CAMTA1: variants seen among roughly 807,000 people sequenced by gnomAD.
CAMTA1 encodes calmodulin-binding transcription activator 1.
Under a neutral mutation model 170.9 loss-of-function variants are expected in CAMTA1, and 27 were observed. The observed-to-expected ratio is 0.16, with a 90% CI of 0.12 to 0.22. The LOEUF (loss-of-function observed/expected upper bound fraction) is 0.22, where lower values mean the gene tolerates loss of function less well. Among genes scored for constraint, CAMTA1 ranks in the 10% least tolerant of loss-of-function variants. The pLI is 1.00. For missense variants in CAMTA1, 1,619 were observed against 2,217.2 expected (o/e 0.73, Z 5.42); for synonymous variants, 833 against 891.5 (o/e 0.93, Z 1.17).
At chr1:6,983,374 G>A (rs545103364) in intron 3 of CAMTA1, among the ~76,000 whole-genome samples, 1 of 152,232 alleles carries the variant, frequency 6.6e-6, no homozygotes, top group East Asian at 1.9e-4. Context: ...CGCTCCAACA[G>A]TCAGGGCTGT....
At chr1:7,436,841 G>T (rs2149386447) in intron 5 of CAMTA1, among the ~76,000 whole-genome samples, 1 of 152,298 alleles carries the variant, frequency 6.6e-6, no homozygotes, top group South Asian at 2.1e-4. Flanking sequence ...GTGGCTGGGA[G>T]CTGAGGGCCC....
At chr1:7,019,977 T>A (rs1701119716) in intron 3 of CAMTA1, among the ~76,000 whole-genome samples, 1 of 152,188 alleles carries the variant, frequency 6.6e-6, no homozygotes, top group Admixed American at 6.5e-5. Flanking sequence ...ACCCTCAGAG[T>A]GGCAAGCATT....
At position 7,102,185 on chromosome 1, in the gene CAMTA1, A is replaced by T. The variant is rs544123727; in HGVS notation, c.302+10814A>T. Among the ~76,000 whole-genome samples, 4 of 152,306 alleles carry T rather than the reference A, an allele frequency of 2.6e-5. No individual in the cohort carries two copies. The South Asian group carries it at 8.3e-4, about 32-fold the overall frequency. On this transcript the variant is annotated intron_variant, in intron 4 of 22. Transcript: ENST00000303635. ...TAGAGGAAATTTTCTCCTCGAAGAAAAAATTAATTATTCTATACTGGCTAC... is the reference window on the plus strand; with the variant it reads ...TAGAGGAAATTTTCTCCTCGAAGAATAAATTAATTATTCTATACTGGCTAC...
intron 11 of CAMTA1, among the ~76,000 whole-genome samples, chr1:7,679,417 CT>C (rs915143268): frequency 5.5e-4 from 84 of 152,312 alleles, no homozygotes; most frequent in African/African-American, 2.0e-3. Context: ...AGAGAGCCAG[CT>C]GTACCCCAGA....
intron 4 of CAMTA1, among the ~76,000 whole-genome samples, chr1:7,204,490 AT>A (rs1657308735): frequency 6.6e-6 from 1 of 152,028 alleles, no homozygotes; most frequent in Non-Finnish European, 1.5e-5. Context: ...TCTGCTACTG[AT>A]TTCTAATTTC....
At chr1:7,138,469 A>T (rs1645672837) in intron 4 of CAMTA1, among the ~76,000 whole-genome samples, 1 of 152,250 alleles carries the variant, frequency 6.6e-6, no homozygotes, top group African/African-American at 2.4e-5. Flanking sequence ...GATAATTAGA[A>T]AACAGTCGAT....
At chr1:6,993,603 A>G (rs1162492107) in intron 3 of CAMTA1, among the ~76,000 whole-genome samples, 4 of 152,124 alleles carry the variant, frequency 2.6e-5, no homozygotes, top group East Asian at 1.9e-4. Flanking sequence ...TAATTGCCTC[A>G]TTTTTCACTA....
At chr1:7,085,031 C>T (rs1286053564) in intron 3 of CAMTA1, among the ~76,000 whole-genome samples, 5 of 152,172 alleles carry the variant, frequency 3.3e-5, no homozygotes, top group African/African-American at 7.2e-5. Flanking sequence ...ATGTGCAGAA[C>T]GTGCAGGTTT....
chr1:6,893,797 A>G (rs1675076522), intron 3 of CAMTA1, among the ~76,000 whole-genome samples: 2 of 152,100 alleles, frequency 1.3e-5, no homozygotes, highest in African/African-American at 4.8e-5. Context: ...GTTTGTGCTA[A>G]TTTGTATCTT....
chr1:7,169,447 C>G (rs1649156420), intron 4 of CAMTA1, among the ~76,000 whole-genome samples: 1 of 152,072 alleles, frequency 6.6e-6, no homozygotes, highest in Non-Finnish European at 1.5e-5. Context: ...CAAGAATATT[C>G]AGGTTTTTAT....
chr1:7,189,607 G>C (rs1053027317), intron 4 of CAMTA1, among the ~76,000 whole-genome samples: 1 of 152,178 alleles, frequency 6.6e-6, no homozygotes, highest in Non-Finnish European at 1.5e-5. Flanking sequence ...TGCAAGAATG[G>C]TCATAATCAA....
At chr1:7,374,457 G>T (rs1373969212) in intron 5 of CAMTA1, among the ~76,000 whole-genome samples, 1 of 152,256 alleles carries the variant, frequency 6.6e-6, no homozygotes, top group African/African-American at 2.4e-5. Flanking sequence ...AGCAGAGGAC[G>T]CAGGCATGGG....
chr1:7,102,587 A>G (rs1178618862), intron 4 of CAMTA1, among the ~76,000 whole-genome samples: 2 of 152,162 alleles, frequency 1.3e-5, no homozygotes. Flanking sequence ...GAACAAATGT[A>G]TGCGCAAGGA....
chr1:7,247,967 G>A (rs983216596), intron 4 of CAMTA1, among the ~76,000 whole-genome samples: 1 of 152,192 alleles, frequency 6.6e-6, no homozygotes, highest in Admixed American at 6.5e-5. Context: ...CAGACTTAGG[G>A]AGGAAACCAA....
intron 5 of CAMTA1, among the ~76,000 whole-genome samples, chr1:7,365,285 A>T (rs1180203724): frequency 6.6e-6 from 1 of 152,214 alleles, no homozygotes; most frequent in Non-Finnish European, 1.5e-5. Context: ...GGCATCAGAA[A>T]ATCACCCTCG....
chr1:6,885,443 A>G (rs1482626777), intron 3 of CAMTA1, among the ~76,000 whole-genome samples: 1 of 152,200 alleles, frequency 6.6e-6, no homozygotes, highest in Non-Finnish European at 1.5e-5. Flanking sequence ...TGCTCAAACC[A>G]TCCAAAGTAT....
intron 1 of CAMTA1, among the ~76,000 whole-genome samples, chr1:6,795,032 G>A (rs1642144361): frequency 6.6e-6 from 1 of 151,920 alleles, no homozygotes; most frequent in Non-Finnish European, 1.5e-5. Flanking sequence ...GTCATTTTCA[G>A]TGGAGGACTG....
chr1:7,256,731 C>T (rs998753986), intron 5 of CAMTA1, among the ~76,000 whole-genome samples: 2 of 152,164 alleles, frequency 1.3e-5, no homozygotes, highest in Admixed American at 6.5e-5. Context: ...AAATTTATTC[C>T]TCACGGTTCT....
At chr1:7,401,315 G>A (rs1403250204) in intron 5 of CAMTA1, among the ~76,000 whole-genome samples, 2 of 152,064 alleles carry the variant, frequency 1.3e-5, no homozygotes, top group Admixed American at 6.5e-5. Flanking sequence ...AAATCAATTG[G>A]TCATATATGT....
Sources: allele counts gnomAD v4.1 joint callset (sites outside exome capture counted in the v4.1 genomes callset), GRCh38; gene constraint gnomAD v4.1.1; transcripts MANE v1.5; gene names NCBI Gene and HGNC (gene_info 2026-07-23, HGNC 2026-07-21).